PLA2G4C: variants seen among roughly 807,000 people sequenced by gnomAD.
PLA2G4C encodes cytosolic phospholipase A2 gamma.
In PLA2G4C, 64 loss-of-function variants were observed where a neutral mutation model predicts 73.8. That is an observed-to-expected ratio of 0.87 (90% confidence interval 0.71 to 1.07). The LOEUF (loss-of-function observed/expected upper bound fraction) is 1.07. Ranked by LOEUF, PLA2G4C falls within the 50% of genes least tolerant of loss-of-function variation. The probability of loss-of-function intolerance (pLI) is 0.00; values close to 1 mark genes in which losing one functional copy is unlikely to be tolerated. For synonymous variants in PLA2G4C, 254 were observed against 252.1 expected, an observed-to-expected ratio of 1.01 and a Z score of -0.07; for missense variants, 622 against 665.4, an observed-to-expected ratio of 0.93 and a Z score of 0.72.
chr19:48,053,107 C>T lies in PLA2G4C; in HGVS notation c.1470G>A (p.Lys490=). The T allele has an allele frequency of 6.2e-7, 1 of 1,611,136 alleles. No individual in the cohort carries two copies. Among genetic ancestry groups the T allele is most frequent in the Non-Finnish European group, 8.5e-7 (1 of 1,177,676 alleles). The change falls in exon 16 of 17, where the codon AAG becomes AAA. Residue 490 remains lysine, a synonymous_variant. Transcript: ENST00000599921. ...CATCTAGAGTGTAGGTGTCAGCAAG[C>T]TTGAATGTGTCGTATGTGTCACTCC... ...EAWSDTYDTF[K]LADTYTLDVV...
At position 48,048,098 on chromosome 19, in the gene PLA2G4C, A is replaced by C; in HGVS notation, c.*245T>G. 1.9e-6 allele frequency: 1 copy of C among 514,728 alleles called. No individual in the cohort carries two copies. Among genetic ancestry groups the C allele is most frequent in the Non-Finnish European group, 3.4e-6 (1 of 296,824 alleles). 31.9% of individuals were successfully genotyped at this position (514,728 alleles called of 1,614,324 possible). ...TGTCAGACACTCATGCTCCAGCTCC[A>C]GGATCTCCCGAGGGACCTGCAGGAC... On this transcript the variant is annotated 3_prime_UTR_variant, in exon 17 of 17. Transcript: ENST00000599921.
intron 9 of PLA2G4C, among the ~76,000 whole-genome samples, chr19:48,085,373 G>C (rs933678970): frequency 2.0e-5 from 3 of 152,140 alleles, no homozygotes; most frequent in African/African-American, 7.2e-5. Flanking sequence ...CTGTAGACTG[G>C]CTACCCCAAG....
intron 10 of PLA2G4C, among the ~76,000 whole-genome samples, chr19:48,078,986 A>G (rs535334434): frequency 1.3e-5 from 2 of 151,040 alleles, no homozygotes; most frequent in Non-Finnish European, 2.9e-5. Context: ...CTCCTGTCTC[A>G]GCCTCCCAAG....
At chr19:48,092,786 C>T (rs536692279) in intron 7 of PLA2G4C, among the ~76,000 whole-genome samples, 8 of 152,112 alleles carry the variant, frequency 5.3e-5, no homozygotes, top group African/African-American at 4.8e-5. Context: ...ATTCAATGGG[C>T]GTAGAGTTCC....
At chr19:48,095,629 T>G in intron 6 of PLA2G4C, 25 bp from the exon 7 acceptor site, 1 of 1,613,050 alleles carries the variant, frequency 6.2e-7, no homozygotes, top group Non-Finnish European at 8.5e-7. Context: ...CAACGGCAAG[T>G]GAGTCCCAGC....
chr19:48,101,122 A>ATT (rs1301166875), intron 4 of PLA2G4C, among the ~76,000 whole-genome samples: 10 of 66,538 alleles, frequency 1.5e-4, no homozygotes, highest in African/African-American at 8.1e-4. Context: ...ATATATATAT[A>ATT]TATATTTTTT....
At chr19:48,107,737 T>A (rs1220761141) in intron 1 of PLA2G4C, among the ~76,000 whole-genome samples, 1 of 152,196 alleles carries the variant, frequency 6.6e-6, no homozygotes, top group East Asian at 1.9e-4. Flanking sequence ...TGTGCTTCAG[T>A]GGTCACACTC....
chr19:48,088,605 G>A, intron 9 of PLA2G4C, 81 bp downstream of exon 9: 1 of 940,532 alleles, frequency 1.1e-6, no homozygotes, highest in Non-Finnish European at 1.8e-6. Flanking sequence ...TACATGTAAT[G>A]TTCCTAGGAC....
chr19:48,082,591 C>T (rs1175605633), intron 10 of PLA2G4C, among the ~76,000 whole-genome samples: 10 of 150,244 alleles, frequency 6.7e-5, no homozygotes, highest in South Asian at 2.1e-4. Flanking sequence ...CCCTGCCTCC[C>T]GGGTTCGAGC....
rs1446612361 is a variant in PLA2G4C, at chr19:48,106,563, T to C, written c.-34A>G. 1.2e-6 allele frequency: 2 copies of C among 1,612,792 alleles called. No homozygotes were observed. The highest frequency in any genetic ancestry group is 1.1e-5 in the South Asian group (1 of 91,042). On this transcript the variant is annotated 5_prime_UTR_variant, in exon 2 of 3. Coordinates refer to the PLA2G4C transcript ENST00000596138. The stretch of plus-strand genomic sequence containing the variant: ...GCGGTCAGAAAATTCTCAGTCCTCC[T>C]GCCAAAGAAATGGCTCTTCTTAGTC...
chr19:48,060,327 A>C (rs915097757), intron 14 of PLA2G4C, among the ~76,000 whole-genome samples: 5 of 152,052 alleles, frequency 3.3e-5, no homozygotes, highest in Non-Finnish European at 7.3e-5. Context: ...TCTTCATAGC[A>C]CACTTCAACT....
intron 10 of PLA2G4C, among the ~76,000 whole-genome samples, chr19:48,079,253 C>T (rs923587031): frequency 2.0e-5 from 3 of 152,110 alleles, no homozygotes; most frequent in Admixed American, 6.6e-5. Flanking sequence ...GGAGGCATCA[C>T]ATTACCCAAT....
chr19:48,075,153 CATTTATTTATTTATTTATTTATTT>C (rs71181640), intron 11 of PLA2G4C, among the ~76,000 whole-genome samples: 1 of 139,932 alleles, frequency 7.1e-6, no homozygotes, highest in Non-Finnish European at 1.5e-5. Context: ...CAAAGTCTCC[CATTTATTTATTTATTTATTTATTT>C]ATTTATTTAT....
intron 9 of PLA2G4C, among the ~76,000 whole-genome samples, chr19:48,086,762 G>A (rs1201950869): frequency 6.6e-6 from 1 of 152,154 alleles, no homozygotes; most frequent in Non-Finnish European, 1.5e-5. Context: ...ATGGCTCTAT[G>A]TCCTCAGCTA....
In PLA2G4C at chr19:48,054,882, A is replaced by T; in HGVS notation, c.1425T>A (p.Cys475Ter). 6.2e-7 allele frequency: 1 copy of T among 1,613,896 alleles called. No homozygotes were observed. ...MHFPLFNIDA[C>*]GGDIEAWSDT... The stretch of plus-strand genomic sequence containing the variant: ...CTGCTCCTCCCCTGCACCTACCTCC[A>T]CAGGCATCTATGTTGAACAGGGGAA... Residue 475 changes from cysteine (C) to a stop codon, truncating the protein, a stop_gained, in exon 15 of 17, where the codon TGT becomes TGA. Transcript: ENST00000599921. LOFTEE classifies it high-confidence loss of function.
At chr19:48,105,670 A>G (rs2032140312) in intron 2 of PLA2G4C, among the ~76,000 whole-genome samples, 1 of 151,830 alleles carries the variant, frequency 6.6e-6, no homozygotes. Context: ...CAAAATGGTT[A>G]ATTTTGGGGC....
At chr19:48,083,240 A>C (rs2030723129) in intron 10 of PLA2G4C, among the ~76,000 whole-genome samples, 1 of 152,170 alleles carries the variant, frequency 6.6e-6, no homozygotes, top group African/African-American at 2.4e-5. Context: ...ACCCCACATC[A>C]AATAGTACAT....
chr19:48,071,857 T>C (rs909779428), intron 12 of PLA2G4C, among the ~76,000 whole-genome samples: 3 of 152,014 alleles, frequency 2.0e-5, no homozygotes, highest in Non-Finnish European at 2.9e-5. Flanking sequence ...TTATAGTAAG[T>C]TAAGAATTGG....
chr19:48,075,318 G>A (rs2030075418), intron 11 of PLA2G4C, among the ~76,000 whole-genome samples: 2 of 151,586 alleles, frequency 1.3e-5, no homozygotes, highest in Non-Finnish European at 2.9e-5. Context: ...GGAGTATCTG[G>A]GACTACAGGC....
Sources: allele counts gnomAD v4.1 joint callset (sites outside exome capture counted in the v4.1 genomes callset), GRCh38; gene constraint gnomAD v4.1.1; transcripts MANE v1.5; gene names NCBI Gene and HGNC (gene_info 2026-07-23, HGNC 2026-07-21).